SNX29: variants seen among roughly 807,000 people sequenced by gnomAD.
The protein encoded by SNX29 is sorting nexin-29.
A neutral mutation model predicts 102.1 loss-of-function variants in SNX29; 78 were observed. The observed-to-expected ratio is 0.76, with a 90% CI of 0.64 to 0.92. SNX29 has a LOEUF of 0.92. SNX29 is among the 40% of genes least tolerant of loss of function. The pLI is 0.00. For synonymous variants in SNX29, 580 were observed against 414.5 expected (o/e 1.40, Z -4.85); for missense variants, 1,280 against 1,061.7 (o/e 1.21, Z -2.86).
chr16:12,220,235 G>T (rs1403223571), intron 14 of SNX29, among the ~76,000 whole-genome samples: 2 of 149,926 alleles, frequency 1.3e-5, no homozygotes, highest in African/African-American at 4.9e-5. Flanking sequence ...TTACCAGGAA[G>T]ATGCATCACT....
At chr16:12,292,542 C>G (rs1333168176) in intron 15 of SNX29, among the ~76,000 whole-genome samples, 1 of 152,154 alleles carries the variant, frequency 6.6e-6, no homozygotes, top group Admixed American at 6.6e-5. Flanking sequence ...AGAGTTTTGT[C>G]AGGTCAGTGG....
chr16:12,055,853 T>C (rs1206531982), intron 8 of SNX29, among the ~76,000 whole-genome samples: 2 of 152,182 alleles, frequency 1.3e-5, no homozygotes, highest in African/African-American at 2.4e-5. Flanking sequence ...CCCAGCAAAA[T>C]TGACACATAC....
intron 20 of SNX29, among the ~76,000 whole-genome samples, chr16:12,554,493 A>T (rs1446629260): frequency 6.6e-6 from 1 of 152,150 alleles, no homozygotes; most frequent in Non-Finnish European, 1.5e-5. Flanking sequence ...AGTGGTTTCC[A>T]AGCTTCCTCC....
chr16:12,153,614 C>T (rs140892478), intron 13 of SNX29, among the ~76,000 whole-genome samples: 3,584 of 151,714 alleles, frequency 0.024, 151 homozygotes, highest in African/African-American at 0.083. Flanking sequence ...GCTGGGATTA[C>T]AGGCGTGCAC....
intron 1 of SNX29, among the ~76,000 whole-genome samples, chr16:11,995,100 CTG>C (rs2056009792): frequency 6.6e-6 from 1 of 152,174 alleles, no homozygotes; most frequent in African/African-American, 2.4e-5. Flanking sequence ...CACTCTCACT[CTG>C]TTGCCCAGGC....
intron 13 of SNX29, among the ~76,000 whole-genome samples, chr16:12,149,428 T>G (rs1357148556): frequency 6.6e-6 from 1 of 152,244 alleles, no homozygotes. Flanking sequence ...TGGTCTGTGC[T>G]TAGTGCCTGG....
intron 15 of SNX29, among the ~76,000 whole-genome samples, chr16:12,331,187 C>T (rs1260214926): frequency 1.3e-5 from 2 of 152,152 alleles, no homozygotes; most frequent in African/African-American, 2.4e-5. Context: ...AGCTGCTGAG[C>T]CCAACTTTCC....
At chr16:12,524,595 G>A (rs745569930) in intron 19 of SNX29, 107 bp from the exon 20 acceptor site, 3 of 1,333,300 alleles carry the variant, frequency 2.3e-6, no homozygotes, top group East Asian at 2.6e-5. Flanking sequence ...TGCTCAATCA[G>A]TGTTGGTTGC....
chr16:12,157,820 C>T (rs1490244049), intron 13 of SNX29, among the ~76,000 whole-genome samples: 1 of 152,090 alleles, frequency 6.6e-6, no homozygotes, highest in Non-Finnish European at 1.5e-5. Flanking sequence ...CTCTGAAAGC[C>T]CTTTGTGCCT....
chr16:12,504,359 A>G (rs1323807519), intron 19 of SNX29, among the ~76,000 whole-genome samples: 3 of 152,142 alleles, frequency 2.0e-5, no homozygotes, highest in South Asian at 2.1e-4. Context: ...GAATGTTTTC[A>G]TCACCCGGAA....
At chr16:12,551,994 C>A (rs1322111413) in intron 20 of SNX29, among the ~76,000 whole-genome samples, 1 of 152,192 alleles carries the variant, frequency 6.6e-6, no homozygotes, top group Non-Finnish European at 1.5e-5. Flanking sequence ...CAAAGTAGCT[C>A]CTGCTGGTCC....
At position 11,997,480 on chromosome 16, in the gene SNX29, C is replaced by CTT. The variant is rs55693728; in HGVS notation, c.8-1803_8-1802dup. On this transcript the variant is annotated intron_variant, in intron 1 of 20. Coordinates refer to ENST00000566228, the MANE Select transcript of SNX29 (RefSeq NM_032167.5). The stretch of plus-strand genomic sequence containing the variant: ...TTTCATTGATTAGTTTACATTTATA[C>CTT]TTTTTTTTTTTTTTTGAGATAGGGC... Among the ~76,000 whole-genome samples, 688 of 144,178 alleles carry CTT rather than the reference C, an allele frequency of 4.8e-3. 10 individuals are homozygous for CTT. Among genetic ancestry groups the CTT allele is most frequent in the African/African-American group, 0.016 (631 of 39,444 alleles). The allele number at this position is 144,178 out of a possible 152,430, so 94.6% of individuals were successfully genotyped here.
At chr16:12,172,740 A>G (rs1391460950) in intron 13 of SNX29, among the ~76,000 whole-genome samples, 2 of 152,234 alleles carry the variant, frequency 1.3e-5, no homozygotes, top group African/African-American at 4.8e-5. Context: ...TAGGAAGGAC[A>G]GATGATCATG....
intron 20 of SNX29, among the ~76,000 whole-genome samples, chr16:12,548,191 C>T (rs141397441): frequency 6.6e-6 from 1 of 152,342 alleles, no homozygotes; most frequent in African/African-American, 2.4e-5. Context: ...GCTCATCCCA[C>T]AGCGCCTCCC....
At chr16:12,333,503 T>G (rs886069324) in intron 15 of SNX29, among the ~76,000 whole-genome samples, 2 of 152,080 alleles carry the variant, frequency 1.3e-5, no homozygotes, top group Non-Finnish European at 2.9e-5. Flanking sequence ...ATTTGATCAA[T>G]TACATCTGAT....
intron 20 of SNX29, 146 bp from the exon 21 acceptor site, chr16:12,568,360 G>GT: frequency 9.4e-7 from 1 of 1,060,904 alleles, no homozygotes; most frequent in South Asian, 1.6e-5. Context: ...ATTTCTTCAG[G>GT]TGGCACCAGT....
At chr16:12,566,424 CCT>C (rs201180124) in intron 20 of SNX29, among the ~76,000 whole-genome samples, 2 of 41,088 alleles carry the variant, frequency 4.9e-5, no homozygotes, top group East Asian at 4.7e-4. Context: ...ACCTCCAGGG[CCT>C]CTCCCCCCAA....
At chr16:12,420,026 G>GT (rs973672701) in intron 18 of SNX29, among the ~76,000 whole-genome samples, 7 of 152,326 alleles carry the variant, frequency 4.6e-5, no homozygotes, top group African/African-American at 1.7e-4. Context: ...CCACACCAGG[G>GT]TTTTTTAACT....
chr16:12,490,523 C>A (rs1319589644), intron 19 of SNX29, among the ~76,000 whole-genome samples: 1 of 152,194 alleles, frequency 6.6e-6, no homozygotes, highest in Non-Finnish European at 1.5e-5. Flanking sequence ...TTACATACTT[C>A]TTCTGCTGGC....
Sources: gnomAD v4.1 joint callset for allele counts (sites outside exome capture counted in the v4.1 genomes callset) on GRCh38, gnomAD v4.1.1 for gene constraint, MANE v1.5 for transcripts, NCBI Gene and HGNC (gene_info 2026-07-23, HGNC 2026-07-21) for gene names.